The following ACSL6 variants were observed in gnomAD, a reference collection of about 807,000 sequenced individuals.
ACSL6 encodes the protein acyl-CoA synthetase long chain family member 6, also known as long-chain-fatty-acid--CoA ligase 6.
A neutral mutation model predicts 98.2 loss-of-function variants in ACSL6; 47 were observed. That is an observed-to-expected ratio of 0.48 (90% CI 0.38 to 0.61). The LOEUF (loss-of-function observed/expected upper bound fraction) is 0.61. Ranked by LOEUF, ACSL6 falls within the 20% of genes least tolerant of loss-of-function variation. The pLI, the probability that ACSL6 is intolerant of heterozygous loss-of-function variation, is 0.00. For synonymous variants in ACSL6, 362 were observed against 336.9 expected, an observed-to-expected ratio of 1.07 and a Z score of -0.82; for missense variants, 761 against 913.4, an observed-to-expected ratio of 0.83 and a Z score of 2.15.
At chr5:131,962,167 A>G (rs1752745595) in intron 18 of ACSL6, among the ~76,000 whole-genome samples, 1 of 152,080 alleles carries the variant, frequency 6.6e-6, no homozygotes, top group Non-Finnish European at 1.5e-5. Flanking sequence ...GTGCCACTGT[A>G]CTCCAGCCTG....
upstream of ACSL6, chr5:132,012,113 G>T: frequency 1.5e-6 from 1 of 657,676 alleles, no homozygotes; most frequent in Non-Finnish European, 2.3e-6. Context: ...GCACACTCCT[G>T]TGGGCTGTTG....
chr5:132,011,410 C>T lies in ACSL6; in HGVS notation c.49+95G>A, dbSNP rs932105280. 56 of 1,359,150 alleles carry T rather than the reference C, an allele frequency of 4.1e-5. No individual in the cohort carries two copies. The highest frequency in any genetic ancestry group is 5.8e-5 in the African/African-American group (4 of 69,174). The allele number at this position is 1,359,150 out of a possible 1,614,324, so 84.2% of individuals were successfully genotyped here. On this transcript the variant is annotated intron_variant, in intron 1 of 20. Transcript: ENST00000651883. This position sits in a 1 kb window ranked among gnomAD's most constrained non-coding sequence, Gnocchi z 5.4. ...AGCTCAGCAGCAGGGGATGGGGGCT[C>T]GGCGGCCGCGGAGATGTAACACCTC...
At chr5:131,961,007 T>A (rs1580626728) in intron 18 of ACSL6, 2 of 162,442 alleles carry the variant, frequency 1.2e-5, no homozygotes, top group East Asian at 3.6e-4. Flanking sequence ...CGATCTTCAT[T>A]CATGAAAGAC....
At chr5:131,970,691 G>A (rs531559519) in intron 14 of ACSL6, among the ~76,000 whole-genome samples, 25 of 152,292 alleles carry the variant, frequency 1.6e-4, no homozygotes, top group African/African-American at 4.1e-4. Context: ...TTATAGGCGT[G>A]AGAAGTGCTA....
intron 1 of ACSL6, among the ~76,000 whole-genome samples, chr5:132,004,863 G>A (rs1755310024): frequency 6.6e-6 from 1 of 152,216 alleles, no homozygotes; most frequent in Non-Finnish European, 1.5e-5. Flanking sequence ...TGAGTTGGCT[G>A]GGCATGGTGG....
intron 9 of ACSL6, among the ~76,000 whole-genome samples, chr5:131,978,514 C>T (rs999685850): frequency 5.5e-4 from 83 of 152,218 alleles, no homozygotes; most frequent in African/African-American, 1.9e-3. Context: ...AGAGAAGGAC[C>T]GTGCCCTCCT....
chr5:131,954,716 T>C (rs991762080), intron 20 of ACSL6, among the ~76,000 whole-genome samples: 5 of 152,082 alleles, frequency 3.3e-5, no homozygotes, highest in African/African-American at 1.2e-4. Flanking sequence ...ATCAGTATGG[T>C]ATGCATGAGA....
chr5:131,971,729 C>A, intron 13 of ACSL6, 84 bp from the exon 14 acceptor site: 1 of 1,193,874 alleles, frequency 8.4e-7, no homozygotes, highest in Non-Finnish European at 1.2e-6. Context: ...AGGTCAACAT[C>A]CAACAACTGG....
chr5:131,985,302 T>C, intron 9 of ACSL6, 105 bp downstream of exon 9: 1 of 1,425,410 alleles, frequency 7.0e-7, no homozygotes. Flanking sequence ...AAGACAAGGC[T>C]CAGCCCATTT....
At chr5:132,006,618 A>G (rs1470352343) in intron 1 of ACSL6, 3 of 152,242 alleles carry the variant, frequency 2.0e-5, no homozygotes, top group African/African-American at 4.8e-5. Flanking sequence ...CCTCTCATCT[A>G]TGCTTGGCAG....
chr5:132,005,507 T>C (rs1478842102), intron 1 of ACSL6, among the ~76,000 whole-genome samples: 2 of 152,362 alleles, frequency 1.3e-5, no homozygotes, highest in East Asian at 1.9e-4. Context: ...ACCTTGCTGA[T>C]CTCTGTCCCA....
chr5:131,974,746 C>T, intron 11 of ACSL6, 147 bp downstream of exon 11: 3 of 1,602,810 alleles, frequency 1.9e-6, no homozygotes, highest in Non-Finnish European at 2.6e-6. Flanking sequence ...CTCCCTGATG[C>T]CAGGGCCTTA....
At chr5:131,955,529 CT>C (rs1752358962) in intron 20 of ACSL6, among the ~76,000 whole-genome samples, 1 of 152,096 alleles carries the variant, frequency 6.6e-6, no homozygotes, top group African/African-American at 2.4e-5. Flanking sequence ...GCAGAGGCCA[CT>C]GCTGGGGATG....
At chr5:131,996,978 A>C (rs1023196200) in intron 1 of ACSL6, among the ~76,000 whole-genome samples, 7 of 152,234 alleles carry the variant, frequency 4.6e-5, no homozygotes, top group Non-Finnish European at 8.8e-5. Context: ...GAAAGTAAAC[A>C]TACAAAGGCT....
At chr5:131,976,411 T>C (rs1753613326) in intron 10 of ACSL6, among the ~76,000 whole-genome samples, 2 of 152,174 alleles carry the variant, frequency 1.3e-5, no homozygotes, top group South Asian at 4.2e-4. Context: ...ATCTTAGTAC[T>C]CCCAGAAATC....
chr5:131,950,281 A>G lies in ACSL6; in HGVS notation c.*3953T>C, dbSNP rs977846992. 52 of 204,120 alleles carry G rather than the reference A, an allele frequency of 2.5e-4. 1 individual carries two copies. The East Asian group carries it at 3.8e-3, about 15-fold the overall frequency. 12.6% of individuals were successfully genotyped at this position (204,120 alleles called of 1,614,324 possible). On this transcript the variant is annotated 3_prime_UTR_variant, in exon 21 of 21. Transcript: ENST00000651883. ...CCTCATGAAACCCTTTCCATTTGGT[A>G]CCAAGTTTAGAAATGCTCACATTTC...
chr5:131,985,485 T>A, intron 8 of ACSL6, 27 bp from the exon 9 acceptor site: 1 of 1,612,954 alleles, frequency 6.2e-7, no homozygotes, highest in Non-Finnish European at 8.5e-7. Flanking sequence ...AGGAGTGTGT[T>A]AGGGAGACCC....
At chr5:131,999,983 C>T (rs2126940281) in intron 1 of ACSL6, among the ~76,000 whole-genome samples, 1 of 151,944 alleles carries the variant, frequency 6.6e-6, no homozygotes, top group African/African-American at 2.4e-5. Flanking sequence ...CTTGGGACTG[C>T]AGTGAGCATG....
At chr5:131,961,192 T>G (rs1277701842) in intron 18 of ACSL6, among the ~76,000 whole-genome samples, 1 of 151,900 alleles carries the variant, frequency 6.6e-6, no homozygotes, top group Non-Finnish European at 1.5e-5. Context: ...ATGTAGCTAA[T>G]TTTTGTATTT....
Sources: allele counts gnomAD v4.1 joint callset (sites outside exome capture counted in the v4.1 genomes callset), GRCh38; gene constraint gnomAD v4.1.1; non-coding constraint Gnocchi (gnomAD v3.1); transcripts MANE v1.5; gene names NCBI Gene and HGNC (gene_info 2026-07-23, HGNC 2026-07-21).